Variants in PIK3C3 observed in about 807,000 individuals in gnomAD.
PIK3C3 encodes the protein phosphatidylinositol 3-kinase catalytic subunit type 3.
Under a neutral mutation model 126.1 loss-of-function variants are expected in PIK3C3, and 95 were observed. The ratio of observed to expected loss-of-function variants is 0.75; its 90% CI spans 0.64 to 0.89. The LOEUF (loss-of-function observed/expected upper bound fraction) is 0.89. PIK3C3 is among the 40% of genes least tolerant of loss of function. The pLI is 0.00. For synonymous variants in PIK3C3, 374 were observed against 360.0 expected (o/e 1.04, Z -0.44); for missense variants, 829 against 1,063.2 (o/e 0.78, Z 3.06).
chr18:42,048,708 A>T (rs1401637736), intron 20 of PIK3C3, among the ~76,000 whole-genome samples: 2 of 152,206 alleles, frequency 1.3e-5, no homozygotes, highest in Admixed American at 6.5e-5. Context: ...AATGAACTTT[A>T]TTATTTATTG....
chr18:41,971,734 A>T (rs1568115535), intron 4 of PIK3C3, among the ~76,000 whole-genome samples: 1 of 152,026 alleles, frequency 6.6e-6, no homozygotes, highest in African/African-American at 2.4e-5. Flanking sequence ...TCACTATAAT[A>T]TGAAAAAGGT....
chr18:42,040,409 TATTA>T (rs1311328130), intron 18 of PIK3C3, among the ~76,000 whole-genome samples: 4 of 152,128 alleles, frequency 2.6e-5, no homozygotes, highest in Non-Finnish European at 5.9e-5. Context: ...AAGCTTAGTC[TATTA>T]GTTTTCGTTT....
chr18:41,961,627 CA>C (rs1172329191), intron 2 of PIK3C3, among the ~76,000 whole-genome samples: 3 of 152,016 alleles, frequency 2.0e-5, no homozygotes, highest in Non-Finnish European at 2.9e-5. Flanking sequence ...TTTGAATGAA[CA>C]GAATAATTTT....
At chr18:42,075,580 A>C (rs1186602780) in intron 24 of PIK3C3, among the ~76,000 whole-genome samples, 3 of 151,966 alleles carry the variant, frequency 2.0e-5, no homozygotes, top group Non-Finnish European at 4.4e-5. Context: ...ACTACAAGTT[A>C]TGTATTTACA....
At chr18:42,050,350 C>T (rs1984746868) in intron 21 of PIK3C3, 1 of 152,176 alleles carries the variant, frequency 6.6e-6, no homozygotes, top group Non-Finnish European at 1.5e-5. Flanking sequence ...AACTCTTTAG[C>T]CCTATGTATT....
chr18:42,051,981 A>AATG (rs1322271487), intron 21 of PIK3C3, among the ~76,000 whole-genome samples: 1 of 151,466 alleles, frequency 6.6e-6, no homozygotes, highest in African/African-American at 2.4e-5. Context: ...TAATAATAAT[A>AATG]ATAAAATAAA....
intron 10 of PIK3C3, among the ~76,000 whole-genome samples, chr18:42,009,739 C>T (rs934319659): frequency 1.4e-5 from 2 of 147,574 alleles, no homozygotes; most frequent in Admixed American, 1.3e-4. Flanking sequence ...GTAATGCTTA[C>T]ATTATGTAAT....
intron 10 of PIK3C3, among the ~76,000 whole-genome samples, chr18:42,007,346 C>T (rs1409804076): frequency 2.6e-5 from 4 of 151,554 alleles, no homozygotes; most frequent in Admixed American, 1.3e-4. Context: ...TTCTTCTTTC[C>T]TTTTTTTTAT....
rs765114903 is a variant in PIK3C3 at position 42,004,477 on chromosome 18, C to T, written c.1106C>T (p.Ser369Phe). 1.9e-6 allele frequency: 3 copies of T among 1,612,660 alleles called. No homozygotes were observed. Among genetic ancestry groups the T allele is most frequent in the South Asian group, 1.1e-5 (1 of 90,648 alleles). Reference sequence around the variant, plus strand: ...GAGGACTCCTTGGAGCTGTTATCCTCTCATTACACCAACCCAACTGTGAGG... The same window carrying T: ...GAGGACTCCTTGGAGCTGTTATCCTTTCATTACACCAACCCAACTGTGAGG... ...DVEDSLELLS[S>F]HYTNPTVRRY... Residue 369 changes from serine (S) to phenylalanine (F), a missense_variant, in exon 10 of 25, where the codon TCT becomes TTT. Coordinates refer to ENST00000262039, the MANE Select transcript of PIK3C3 (RefSeq NM_002647.4).
chr18:42,062,837 A>T (rs776251021), intron 22 of PIK3C3, among the ~76,000 whole-genome samples: 1 of 151,942 alleles, frequency 6.6e-6, no homozygotes, highest in Non-Finnish European at 1.5e-5. Context: ...AGCCTCTCCT[A>T]TCTTGGTGAA....
chr18:42,039,056 G>A (rs1984189865), intron 18 of PIK3C3, among the ~76,000 whole-genome samples: 1 of 152,008 alleles, frequency 6.6e-6, no homozygotes, highest in South Asian at 2.1e-4. Context: ...ACTGGTTAAT[G>A]TAGTTACTGA....
intron 14 of PIK3C3, among the ~76,000 whole-genome samples, chr18:42,027,773 G>A: frequency 6.6e-6 from 1 of 152,136 alleles, no homozygotes; most frequent in Non-Finnish European, 1.5e-5. Flanking sequence ...TCCTGCCTCA[G>A]CCTCCCGAAT....
Position 42,036,754 on chromosome 18 carries a change from TCTC to T in PIK3C3, c.1840-934_1840-932del, listed in dbSNP as rs149840042. On this transcript the variant is annotated intron_variant, in intron 16 of 24. Coordinates refer to ENST00000262039, the MANE Select transcript of PIK3C3 (RefSeq NM_002647.4). ...GAATAAAAGATACAGATATTTGAGA[TCTC>T]CTCTCATTTTATAAATGAGGAATTT... Among the ~76,000 whole-genome samples the T allele has an allele frequency of 4.1e-3, 619 of 152,216 alleles. 5 individuals carry two copies. The highest frequency in any genetic ancestry group is 0.014 in the African/African-American group (578 of 41,542).
chr18:42,009,473 A>C (rs889393044), intron 10 of PIK3C3, among the ~76,000 whole-genome samples: 11 of 152,162 alleles, frequency 7.2e-5, no homozygotes, highest in Non-Finnish European at 1.5e-4. Flanking sequence ...CAATAAAGCA[A>C]ATGTCACAAA....
intron 14 of PIK3C3, among the ~76,000 whole-genome samples, chr18:42,029,014 T>C (rs954650807): frequency 2.6e-5 from 4 of 152,212 alleles, no homozygotes; most frequent in African/African-American, 9.6e-5. Context: ...TTGAATCAAA[T>C]AATGAGTGAA....
At chr18:41,973,662 A>T (rs1220936002) in intron 4 of PIK3C3, among the ~76,000 whole-genome samples, 1 of 152,026 alleles carries the variant, frequency 6.6e-6, no homozygotes, top group East Asian at 1.9e-4. Context: ...GACACATTTT[A>T]AAAAGTTGTT....
intron 13 of PIK3C3, among the ~76,000 whole-genome samples, chr18:42,024,820 T>C (rs2144428673): frequency 6.6e-6 from 1 of 150,552 alleles, no homozygotes; most frequent in South Asian, 2.1e-4. Flanking sequence ...TTTCTTTTTT[T>C]TGAGATGGAG....
intron 14 of PIK3C3, among the ~76,000 whole-genome samples, chr18:42,027,836 G>A (rs1270970783): frequency 1.3e-5 from 2 of 152,062 alleles, no homozygotes; most frequent in East Asian, 3.9e-4. Context: ...TGTATTTTTA[G>A]TAGAGACGGG....
chr18:42,049,002 T>G lies in PIK3C3; in HGVS notation c.2189-529T>G, dbSNP rs1183206264. On this transcript the variant is annotated intron_variant, in intron 20 of 24. Transcript: ENST00000262039. ...TACAGCTAGAGCCAATGTCTTTGCC[T>G]TTAGCCTTGATCATGTAATTTTTCT... Among the ~76,000 whole-genome samples the G allele has an allele frequency of 2.6e-5, 4 of 152,330 alleles. No homozygotes were observed. In the East Asian group the frequency reaches 7.7e-4, roughly 29 times the overall value.
Sources: allele counts gnomAD v4.1 joint callset (sites outside exome capture counted in the v4.1 genomes callset), GRCh38; gene constraint gnomAD v4.1.1; transcripts MANE v1.5; gene names NCBI Gene and HGNC (gene_info 2026-07-23, HGNC 2026-07-21).